The following GRID2 variants were observed in gnomAD, a reference collection of about 807,000 sequenced individuals.
GRID2 encodes glutamate ionotropic receptor delta type subunit 2, also known as glutamate receptor ionotropic, delta-2.
In GRID2, 33 loss-of-function variants were observed where a neutral mutation model predicts 114.8. That is an observed-to-expected ratio of 0.29 (90% CI 0.22 to 0.38). GRID2 has a LOEUF of 0.38. Among genes scored for constraint, GRID2 ranks in the 10% least tolerant of loss-of-function variants. The probability of loss-of-function intolerance (pLI) is 1.00; values close to 1 mark genes in which losing one functional copy is unlikely to be tolerated. For synonymous variants in GRID2, 505 were observed against 449.9 expected, an observed-to-expected ratio of 1.12 and a Z score of -1.55; for missense variants, 1,184 against 1,257.7, an observed-to-expected ratio of 0.94 and a Z score of 0.89.
intron 2 of GRID2, among the ~76,000 whole-genome samples, chr4:92,908,983 AT>A (rs1394007674): frequency 1.3e-5 from 2 of 152,196 alleles, no homozygotes; most frequent in Non-Finnish European, 2.9e-5. Flanking sequence ...TGAGTAAAAG[AT>A]TATAAATTCA....
rs373032016 is a variant in GRID2, at chr4:93,608,530, A to T, written c.2194-17739A>T. Reference sequence around the variant, plus strand: ...CCTGTGTCCATGTGATCTCATTGTTAAATTCCCACCTATGAGTGAGAATAC... The same window carrying T: ...CCTGTGTCCATGTGATCTCATTGTTTAATTCCCACCTATGAGTGAGAATAC... On this transcript the variant is annotated intron_variant, in intron 13 of 15. Coordinates refer to ENST00000282020, the MANE Select transcript of GRID2 (RefSeq NM_001510.4). Among the ~76,000 whole-genome samples, 3 of 145,672 alleles carry T rather than the reference A, an allele frequency of 2.1e-5. No individual in the cohort carries two copies. In the East Asian group the frequency reaches 5.9e-4, roughly 29 times the overall value.
At chr4:93,527,586 T>TA (rs35576098) in intron 13 of GRID2, among the ~76,000 whole-genome samples, 37,930 of 152,008 alleles carry the variant, frequency 0.25, 5,071 homozygotes, top group Middle Eastern at 0.37. Flanking sequence ...TTTTATGTGA[T>TA]AAAAATTGGC....
rs377117413 is a variant in GRID2, at chr4:93,222,635, GC to G, written c.964-1975del. Among the ~76,000 whole-genome samples the G allele has an allele frequency of 7.1e-3, 1,083 of 151,856 alleles. 10 individuals are homozygous for G. Among genetic ancestry groups the G allele is most frequent in the African/African-American group, 0.025 (1,024 of 41,412 alleles). On this transcript the variant is annotated intron_variant, in intron 6 of 15. Transcript: ENST00000282020. ...CACCCCTCCCCCAACCCCACAACAG[GC>G]CCCGGTGTGTGATGTTCCCCATCCT...
intron 4 of GRID2, among the ~76,000 whole-genome samples, chr4:93,175,633 T>G (rs2149428424): frequency 6.6e-6 from 1 of 152,308 alleles, no homozygotes; most frequent in South Asian, 2.1e-4. Context: ...ACATTTTTAC[T>G]CCTTAAAGCT....
chr4:92,915,824 C>A (rs953966111), intron 2 of GRID2, among the ~76,000 whole-genome samples: 1 of 152,006 alleles, frequency 6.6e-6, no homozygotes, highest in Non-Finnish European at 1.5e-5. Context: ...CAGTGATGTT[C>A]AGCGTTTTTT....
At chr4:93,535,145 C>T (rs1481733326) in intron 13 of GRID2, among the ~76,000 whole-genome samples, 1 of 151,624 alleles carries the variant, frequency 6.6e-6, no homozygotes, top group Non-Finnish European at 1.5e-5. Flanking sequence ...CTGCTTTCCT[C>T]TAGGTCTATC....
chr4:92,487,541 T>C (rs1396366409), intron 1 of GRID2, among the ~76,000 whole-genome samples: 1 of 152,106 alleles, frequency 6.6e-6, no homozygotes, highest in Non-Finnish European at 1.5e-5. Flanking sequence ...GTGATTTTAT[T>C]TTAGTATTTT....
At chr4:93,486,711 GTTTA>G (rs930587496) in intron 11 of GRID2, among the ~76,000 whole-genome samples, 98 of 151,674 alleles carry the variant, frequency 6.5e-4, no homozygotes, top group African/African-American at 2.4e-3. Flanking sequence ...AACCCTATCT[GTTTA>G]TTTATGCAGT....
chr4:92,649,345 G>C (rs1731812867), intron 2 of GRID2, among the ~76,000 whole-genome samples: 1 of 150,456 alleles, frequency 6.6e-6, no homozygotes, highest in African/African-American at 2.4e-5. Context: ...CTCCAAGCCT[G>C]AGTGTGAAGG....
At chr4:93,594,667 G>A (rs569955455) in intron 13 of GRID2, among the ~76,000 whole-genome samples, 22 of 152,200 alleles carry the variant, frequency 1.4e-4, no homozygotes, top group Non-Finnish European at 2.5e-4. Context: ...CTGCCACCTT[G>A]CAGCTTGATC....
intron 2 of GRID2, among the ~76,000 whole-genome samples, chr4:92,603,726 A>T (rs1439379854): frequency 6.6e-6 from 1 of 152,138 alleles, no homozygotes; most frequent in African/African-American, 2.4e-5. Flanking sequence ...GCACAGCAAA[A>T]TAAACTACCA....
chr4:92,423,034 C>G (rs952993962), intron 1 of GRID2, among the ~76,000 whole-genome samples: 5 of 152,006 alleles, frequency 3.3e-5, no homozygotes, highest in Non-Finnish European at 7.4e-5. Context: ...TTTAAAACAC[C>G]TCAGTCTTAT....
chr4:92,795,717 C>A (rs1739830892), intron 2 of GRID2, among the ~76,000 whole-genome samples: 1 of 151,954 alleles, frequency 6.6e-6, no homozygotes, highest in Non-Finnish European at 1.5e-5. Context: ...ATAATTGGAA[C>A]CTTCTGTCAG....
At chr4:93,236,786 A>G (rs1746846616) in intron 7 of GRID2, among the ~76,000 whole-genome samples, 1 of 152,048 alleles carries the variant, frequency 6.6e-6, no homozygotes, top group South Asian at 2.1e-4. Flanking sequence ...TTGCAAAAAT[A>G]TTTTCCAAAG....
intron 4 of GRID2, among the ~76,000 whole-genome samples, chr4:93,150,367 T>C (rs1367236129): frequency 6.6e-6 from 1 of 152,146 alleles, no homozygotes; most frequent in East Asian, 1.9e-4. Flanking sequence ...TGTACATAAA[T>C]ACACAAAACA....
intron 14 of GRID2, among the ~76,000 whole-genome samples, chr4:93,714,187 G>T (rs1414875248): frequency 6.6e-6 from 1 of 152,030 alleles, no homozygotes; most frequent in Non-Finnish European, 1.5e-5. Context: ...AGAACATGTG[G>T]TGTTTGGTTT....
chr4:92,463,923 C>A (rs1721617478), intron 1 of GRID2, among the ~76,000 whole-genome samples: 1 of 151,638 alleles, frequency 6.6e-6, no homozygotes, highest in Non-Finnish European at 1.5e-5. Context: ...TTCCTTTTTT[C>A]CCTTTTCTTT....
Position 92,628,110 on chromosome 4 carries a change from A to G in GRID2, c.244+37824A>G, listed in dbSNP as rs1016960432. On this transcript the variant is annotated intron_variant, in intron 2 of 15. Coordinates refer to ENST00000282020, the MANE Select transcript of GRID2 (RefSeq NM_001510.4). ...TTGTCCTTAATATAATTGAGAGTTT[A>G]TATAATTTAATTATTAATAATGCCT... Among the ~76,000 whole-genome samples, 5 of 152,276 alleles carry G rather than the reference A, an allele frequency of 3.3e-5. No individual in the cohort carries two copies. The South Asian group carries it at 1.0e-3, about 32-fold the overall frequency.
intron 2 of GRID2, among the ~76,000 whole-genome samples, chr4:92,616,664 GA>G (rs77349014): frequency 0.056 from 8,407 of 151,154 alleles, 298 homozygotes; most frequent in East Asian, 0.16. Context: ...TTTCCTCAAA[GA>G]AAAAAACCAG....
Sources: allele counts gnomAD v4.1 joint callset (sites outside exome capture counted in the v4.1 genomes callset), GRCh38; gene constraint gnomAD v4.1.1; transcripts MANE v1.5; gene names NCBI Gene and HGNC (gene_info 2026-07-23, HGNC 2026-07-21).